Variants in SERBP1 observed in about 807,000 individuals in gnomAD.
SERBP1 encodes SERPINE1 mRNA binding protein 1.
SERBP1 carries 6 observed loss-of-function variants against 50.2 expected under a neutral mutation model. The ratio of observed to expected loss-of-function variants is 0.12; its 90% CI spans 0.07 to 0.24. The LOEUF is 0.24. Among genes scored for constraint, SERBP1 ranks in the 10% least tolerant of loss-of-function variants. The pLI is 1.00. For synonymous variants in SERBP1, 168 were observed against 182.8 expected, an observed-to-expected ratio of 0.92 and a Z score of 0.65; for missense variants, 346 against 524.9, an observed-to-expected ratio of 0.66 and a Z score of 3.33.
At chr1:67,422,734 T>C (rs1480429812) in intron 5 of SERBP1, among the ~76,000 whole-genome samples, 1 of 151,836 alleles carries the variant, frequency 6.6e-6, no homozygotes, top group Non-Finnish European at 1.5e-5. Flanking sequence ...CCAAGGCGGA[T>C]GCATCACCTG....
rs1666960971 is a variant in SERBP1, at chr1:67,415,155, T to C, written c.1125+11A>G. ...TAAATTATGTAAAAGGAAAAGAAAG[T>C]CTTAAATTACCTTGTCGGTCCTGCT... is the stretch of plus-strand genomic sequence containing the variant. On this transcript the variant is annotated intron_variant, in intron 7 of 7. Coordinates refer to ENST00000361219, the MANE Select transcript of SERBP1 (RefSeq NM_001018069.2). The C allele has an allele frequency of 6.4e-7, 1 of 1,563,648 alleles. No individual in the cohort carries two copies. Among genetic ancestry groups the C allele is most frequent in the Non-Finnish European group, 8.6e-7 (1 of 1,158,606 alleles).
chr1:67,418,658 T>C (rs192618508), intron 6 of SERBP1, among the ~76,000 whole-genome samples: 6 of 151,680 alleles, frequency 4.0e-5, no homozygotes, highest in East Asian at 1.9e-4. Context: ...ACTGAGGAGG[T>C]TGAGACACAA....
rs559162070 is a variant in SERBP1 at position 67,427,809 on chromosome 1, T to C, written c.314-1524A>G. Among the ~76,000 whole-genome samples the C allele has an allele frequency of 1.7e-3, 266 of 152,356 alleles. 2 individuals are homozygous for C. Among genetic ancestry groups the C allele is most frequent in the African/African-American group, 6.2e-3 (257 of 41,588 alleles). ...ATTTAAAAATGCAAGCTTCTTTTGA[T>C]ATACTTATCTATAACTTGCAAGCTC... is the stretch of plus-strand genomic sequence containing the variant. On this transcript the variant is annotated intron_variant, in intron 1 of 7. Coordinates refer to ENST00000361219, the MANE Select transcript of SERBP1 (RefSeq NM_001018069.2).
At chr1:67,421,971 G>A (rs947620938) in intron 5 of SERBP1, among the ~76,000 whole-genome samples, 12 of 152,106 alleles carry the variant, frequency 7.9e-5, no homozygotes, top group African/African-American at 2.9e-4. Flanking sequence ...ACCACTATGA[G>A]AAACTTAACG....
Position 67,430,402 on chromosome 1 carries a change from G to A in SERBP1, c.-102C>T, listed in dbSNP as rs941527375. On this transcript the variant is annotated 5_prime_UTR_variant, in exon 1 of 8. Transcript: ENST00000361219. ...CCCACAAGATGGCCGGGCCGAGAGA[G>A]GGGGGCCGTCTTCTCTTCCGGCGCC... 7.0e-6 allele frequency: 9 copies of A among 1,277,186 alleles called. No homozygotes were observed. The highest frequency in any genetic ancestry group is 3.0e-5 in the African/African-American group (2 of 65,654). The allele number at this position is 1,277,186 out of a possible 1,614,324, so 79.1% of individuals were successfully genotyped here. A position where few individuals can be genotyped will look rare whatever the true frequency, so the allele number is the denominator to read the frequency against.
rs1291455424 is a variant in SERBP1 at position 67,412,120 on chromosome 1, A to T, written c.*1087T>A. ...AGCTGTCTGCTTCCCAAATTCCAAA[A>T]ATTAAAATACTCCCCCACCTCACCC... On this transcript the variant is annotated 3_prime_UTR_variant, in exon 8 of 8. Coordinates refer to ENST00000361219, the MANE Select transcript of SERBP1 (RefSeq NM_001018069.2). The T allele has an allele frequency of 6.6e-6, 1 of 152,610 alleles. No individual in the cohort carries two copies. Among genetic ancestry groups the T allele is most frequent in the Non-Finnish European group, 1.5e-5 (1 of 68,038 alleles). The allele number at this position is 152,610 out of a possible 1,614,324, so 9.5% of individuals were successfully genotyped here. A position where few individuals can be genotyped will look rare whatever the true frequency, so the allele number is the denominator to read the frequency against.
At chr1:67,413,824 T>C (rs921260900) in intron 7 of SERBP1, among the ~76,000 whole-genome samples, 1 of 152,114 alleles carries the variant, frequency 6.6e-6, no homozygotes, top group Non-Finnish European at 1.5e-5. Context: ...CTCTTTTTTT[T>C]TGGAGACAGT....
chr1:67,425,291 G>A, intron 2 of SERBP1, 68 bp from the exon 3 acceptor site: 6 of 1,415,670 alleles, frequency 4.2e-6, no homozygotes, highest in South Asian at 4.2e-5. Context: ...TCATCCAAAA[G>A]ATCAAAAATA....
intron 4 of SERBP1, chr1:67,424,493 C>T (rs41308343): frequency 0.014 from 7,855 of 543,088 alleles, 86 homozygotes; most frequent in Non-Finnish European, 0.02. Context: ...TCATATACTT[C>T]ATACTTAAAA....
Position 67,409,697 on chromosome 1 carries a change from C to T in SERBP1, c.*3510G>A, listed in dbSNP as rs1454589461. The T allele has an allele frequency of 6.6e-6, 1 of 152,084 alleles. No homozygotes were observed. The highest frequency in any genetic ancestry group is 1.5e-5 in the Non-Finnish European group (1 of 68,008). 9.4% of individuals were successfully genotyped at this position (152,084 alleles called of 1,614,324 possible). A position where few individuals can be genotyped will look rare whatever the true frequency, so the allele number is the denominator to read the frequency against. ...AACCTCCAAATTTGAACTTAAAAGT[C>T]AAGGAAGATGAAGAGGTAATCCCAG... On this transcript the variant is annotated 3_prime_UTR_variant, in exon 8 of 8. Transcript: ENST00000361219.
rs918234677 is a variant in SERBP1, at chr1:67,425,365, A to G, written c.465-142T>C. On this transcript the variant is annotated intron_variant, in intron 2 of 7. Transcript: ENST00000361219. ...ACATACACTTCAGAAAATTCAAAAT[A>G]GTCTGTTTCTAAACACAAAGGAAAC... 12 of 792,950 alleles carry G rather than the reference A, an allele frequency of 1.5e-5. No homozygotes were observed. In the African/African-American group the frequency reaches 1.9e-4, roughly 13 times the overall value. 49.1% of individuals were successfully genotyped at this position (792,950 alleles called of 1,614,324 possible). A position where few individuals can be genotyped will look rare whatever the true frequency, so the allele number is the denominator to read the frequency against.
chr1:67,423,611 A>T (rs868029531), intron 5 of SERBP1, among the ~76,000 whole-genome samples: 26 of 152,244 alleles, frequency 1.7e-4, no homozygotes, highest in Middle Eastern at 6.8e-3. Context: ...TGTCTCAAAA[A>T]AAGAAAAAAA....
chr1:67,414,376 A>T (rs200658493), intron 7 of SERBP1, among the ~76,000 whole-genome samples: 1 of 149,318 alleles, frequency 6.7e-6, no homozygotes, highest in Admixed American at 6.7e-5. Context: ...TAAAAAAAAA[A>T]GGTTGGTCTT....
At chr1:67,419,958 C>G (rs1270709476) in intron 6 of SERBP1, 51 bp downstream of exon 6, 2 of 1,505,122 alleles carry the variant, frequency 1.3e-6, no homozygotes, top group Admixed American at 1.8e-5. Flanking sequence ...ATTATAAATA[C>G]AATTCAAGTC....
chr1:67,416,450 T>C (rs1667014835), intron 6 of SERBP1, among the ~76,000 whole-genome samples: 1 of 152,256 alleles, frequency 6.6e-6, no homozygotes, highest in Non-Finnish European at 1.5e-5. Flanking sequence ...TGATGTCTTC[T>C]TGTACGCTTG....
intron 6 of SERBP1, 104 bp downstream of exon 6, chr1:67,419,905 A>C (rs1570290912): frequency 2.1e-6 from 2 of 960,976 alleles, no homozygotes; most frequent in East Asian, 5.1e-5. Flanking sequence ...TCCTATGTAA[A>C]GCTTTAACAG....
intron 6 of SERBP1, among the ~76,000 whole-genome samples, chr1:67,419,084 A>G (rs1667122837): frequency 6.6e-6 from 1 of 152,218 alleles, no homozygotes; most frequent in Non-Finnish European, 1.5e-5. Flanking sequence ...ACTTTCTCCA[A>G]TACAGTTGAC....
At chr1:67,423,089 G>GGCTTGCCT (rs1345213817) in intron 5 of SERBP1, among the ~76,000 whole-genome samples, 1 of 150,930 alleles carries the variant, frequency 6.6e-6, no homozygotes. Flanking sequence ...CAAGGAGGGT[G>GGCTTGCCT]GATCACCGAG....
At chr1:67,426,093 T>C (rs1208954360) in intron 2 of SERBP1, 42 bp downstream of exon 2, 2 of 1,558,718 alleles carry the variant, frequency 1.3e-6, no homozygotes, top group South Asian at 1.2e-5. Context: ...CCAGCCTACA[T>C]GTTAGACCAA....
Sources: allele counts gnomAD v4.1 joint callset (sites outside exome capture counted in the v4.1 genomes callset), GRCh38; gene constraint gnomAD v4.1.1; transcripts MANE v1.5; gene names NCBI Gene and HGNC (gene_info 2026-07-23, HGNC 2026-07-21).